The following NEK10 variants were observed in gnomAD, a reference collection of about 807,000 sequenced individuals.
NEK10 encodes NIMA related kinase 10.
Under a neutral mutation model 159.8 loss-of-function variants are expected in NEK10, and 122 were observed. The observed-to-expected ratio is 0.76, with a 90% confidence interval of 0.66 to 0.89. The LOEUF (loss-of-function observed/expected upper bound fraction) is 0.89. NEK10 is among the 40% of genes least tolerant of loss of function. The pLI is 0.00. For synonymous variants in NEK10, 466 were observed against 457.1 expected, an observed-to-expected ratio of 1.02 and a Z score of -0.25; for missense variants, 1,342 against 1,323.1, an observed-to-expected ratio of 1.01 and a Z score of -0.22.
At chr3:27,234,959 T>G (rs1356636606) in intron 23 of NEK10, among the ~76,000 whole-genome samples, 2 of 151,860 alleles carry the variant, frequency 1.3e-5, no homozygotes. Flanking sequence ...GAAATAAGAT[T>G]GCACACCTAC....
chr3:27,158,995 C>T (rs1945760190), intron 30 of NEK10, among the ~76,000 whole-genome samples: 2 of 151,964 alleles, frequency 1.3e-5, no homozygotes, highest in Non-Finnish European at 1.5e-5. Context: ...TGGTAATATC[C>T]AGTTGTTTGA....
chr3:27,367,551 T>TTTCTGAC (rs1354207070), intron 1 of NEK10: 2 of 152,240 alleles, frequency 1.3e-5, no homozygotes, highest in African/African-American at 4.8e-5. Flanking sequence ...TCATTGGCCA[T>TTTCTGAC]TTCTGACTTT....
intron 24 of NEK10, among the ~76,000 whole-genome samples, chr3:27,202,007 C>T (rs999542255): frequency 2.0e-5 from 3 of 151,714 alleles, no homozygotes; most frequent in Non-Finnish European, 4.4e-5. Context: ...ATAAAAAATT[C>T]GGGCATGGTG....
Position 27,256,287 on chromosome 3 carries a change from T to C in NEK10, c.2090+9A>G, listed in dbSNP as rs1468631649. On this transcript the variant is annotated intron_variant, in intron 23 of 35. Coordinates refer to ENST00000691995, the MANE Select transcript of NEK10 (RefSeq NM_001394966.1). ...TGATGTTTGAGAGCCATAAAAGAAT[T>C]GTCCTTACCAAGAATACAGGATTGT... The C allele has an allele frequency of 7.1e-7, 1 of 1,412,110 alleles. No homozygotes were observed. The highest frequency in any genetic ancestry group is 1.4e-5 in the South Asian group (1 of 70,128). The allele number at this position is 1,412,110 out of a possible 1,614,324, so 87.5% of individuals were successfully genotyped here.
chr3:27,135,556 A>G (rs1206137362), intron 31 of NEK10, among the ~76,000 whole-genome samples: 1 of 152,222 alleles, frequency 6.6e-6, no homozygotes, highest in Non-Finnish European at 1.5e-5. Context: ...GGATTCTTTT[A>G]AAGAACTTGC....
intron 23 of NEK10, among the ~76,000 whole-genome samples, chr3:27,209,915 C>T (rs1950857638): frequency 6.6e-6 from 1 of 152,160 alleles, no homozygotes. Context: ...AGAAAATCTA[C>T]ATTCATGAAA....
At chr3:27,248,197 C>A (rs1955288463) in intron 23 of NEK10, among the ~76,000 whole-genome samples, 1 of 152,082 alleles carries the variant, frequency 6.6e-6, no homozygotes, top group Admixed American at 6.6e-5. Context: ...TGAATTTCTG[C>A]AGTATCAATT....
At chr3:27,228,733 T>A (rs980768977) in intron 23 of NEK10, among the ~76,000 whole-genome samples, 2 of 152,044 alleles carry the variant, frequency 1.3e-5, no homozygotes, top group Non-Finnish European at 2.9e-5. Flanking sequence ...AGAGGCAGAG[T>A]GACAATTCCT....
intron 22 of NEK10, chr3:27,278,880 G>A (rs1427440346): frequency 1.0e-6 from 1 of 984,102 alleles, no homozygotes; most frequent in Non-Finnish European, 1.2e-6. Flanking sequence ...AGTATTTAGG[G>A]CAAATGTTGA....
At chr3:27,365,862 C>T (rs2049043246) in intron 1 of NEK10, among the ~76,000 whole-genome samples, 1 of 152,080 alleles carries the variant, frequency 6.6e-6, no homozygotes. Context: ...ATCCTCCCGC[C>T]TCGGCCTCCC....
At chr3:27,251,510 CT>C (rs1019758169) in intron 23 of NEK10, among the ~76,000 whole-genome samples, 3 of 152,158 alleles carry the variant, frequency 2.0e-5, no homozygotes, top group African/African-American at 7.2e-5. Context: ...TGCTCCTGCT[CT>C]GGCCATGTGA....
chr3:27,141,125 A>C (rs746707146), intron 31 of NEK10, among the ~76,000 whole-genome samples: 2 of 152,168 alleles, frequency 1.3e-5, no homozygotes, highest in Admixed American at 6.5e-5. Flanking sequence ...CTCAGAATTA[A>C]TGTGTGGGCA....
chr3:27,305,056 A>G, intron 11 of NEK10, 85 bp from the exon 12 acceptor site: 7 of 811,802 alleles, frequency 8.6e-6, no homozygotes, highest in Non-Finnish European at 1.4e-5. Context: ...TCATCAGTGC[A>G]TGAAATATAA....
intron 23 of NEK10, among the ~76,000 whole-genome samples, chr3:27,216,872 A>C (rs1951587165): frequency 6.6e-6 from 1 of 152,250 alleles, no homozygotes; most frequent in Non-Finnish European, 1.5e-5. Flanking sequence ...GATAAATGCT[A>C]TGCAATGATT....
chr3:27,351,723 A>G (rs1248506440), intron 3 of NEK10, among the ~76,000 whole-genome samples: 1 of 152,096 alleles, frequency 6.6e-6, no homozygotes, highest in African/African-American at 2.4e-5. Flanking sequence ...TTACTTAAGC[A>G]AGAACAATGT....
intron 29 of NEK10, among the ~76,000 whole-genome samples, chr3:27,163,027 C>G (rs189769049): frequency 4.2e-4 from 64 of 151,954 alleles, no homozygotes; most frequent in Non-Finnish European, 1.2e-4. Flanking sequence ...CACTTAAACT[C>G]AAAATATGAT....
At chr3:27,344,905 G>C (rs553424167) in intron 4 of NEK10, among the ~76,000 whole-genome samples, 19 of 152,262 alleles carry the variant, frequency 1.2e-4, no homozygotes, top group African/African-American at 4.3e-4. Context: ...TGTCACTGTT[G>C]ATTGTTTATA....
intron 4 of NEK10, among the ~76,000 whole-genome samples, chr3:27,344,839 C>A (rs2047443369): frequency 6.6e-6 from 1 of 152,140 alleles, no homozygotes; most frequent in South Asian, 2.1e-4. Flanking sequence ...ATTTATAATA[C>A]CTTCTAGATA....
At chr3:27,267,037 A>G (rs1438023393) in intron 22 of NEK10, among the ~76,000 whole-genome samples, 1 of 152,168 alleles carries the variant, frequency 6.6e-6, no homozygotes, top group Non-Finnish European at 1.5e-5. Context: ...AGTAACTTCT[A>G]CCGGCATTCT....
Sources: allele counts gnomAD v4.1 joint callset (sites outside exome capture counted in the v4.1 genomes callset), GRCh38; gene constraint gnomAD v4.1.1; transcripts MANE v1.5; gene names NCBI Gene and HGNC (gene_info 2026-07-23, HGNC 2026-07-21).